Variants in XDH observed in about 807,000 individuals in gnomAD.
The protein encoded by XDH is xanthine dehydrogenase/oxidase.
XDH carries 138 observed loss-of-function variants against 156.1 expected under a neutral mutation model. The ratio of observed to expected loss-of-function variants is 0.88; its 90% CI spans 0.77 to 1.02. XDH has a LOEUF of 1.02. XDH is among the 50% of genes least tolerant of loss of function. The pLI is 0.00. For synonymous variants in XDH, 669 were observed against 625.7 expected (o/e 1.07, Z -1.03); for missense variants, 1,849 against 1,684.9 (o/e 1.10, Z -1.71).
At chr2:31,383,190 ACAGTT>A (rs754740292) in intron 10 of XDH, 38 bp from the exon 11 acceptor site, 50 of 1,613,828 alleles carry the variant, frequency 3.1e-5, no homozygotes, top group Non-Finnish European at 4.2e-5. Context: ...AATTCTTCCC[ACAGTT>A]CAGAAGAGGC....
At chr2:31,394,872 C>T (rs1215006076) in intron 6 of XDH, among the ~76,000 whole-genome samples, 1 of 152,164 alleles carries the variant, frequency 6.6e-6, no homozygotes, top group Non-Finnish European at 1.5e-5. Flanking sequence ...TTTTCAATCT[C>T]TAGCATTTCT....
At chr2:31,378,037 G>T (rs763298152) in intron 13 of XDH, among the ~76,000 whole-genome samples, 11 of 128,802 alleles carry the variant, frequency 8.5e-5, no homozygotes, top group Admixed American at 1.6e-4. Context: ...AAAAAAAAGA[G>T]AAGAAAGAGA....
intron 30 of XDH, 49 bp from the exon 31 acceptor site, chr2:31,344,785 A>T (rs745823821): frequency 6.4e-7 from 1 of 1,565,306 alleles, no homozygotes; most frequent in South Asian, 1.2e-5. Context: ...GTTTTCAGGA[A>T]CCCTGACCTG....
intron 11 of XDH, among the ~76,000 whole-genome samples, 171 bp downstream of exon 11, chr2:31,382,830 C>A (rs999402864): frequency 6.6e-6 from 1 of 152,152 alleles, no homozygotes; most frequent in Admixed American, 6.5e-5. Flanking sequence ...GTATCAGAAT[C>A]TCTGAGGGTG....
chr2:31,374,602 A>G (rs936413973), intron 15 of XDH, among the ~76,000 whole-genome samples: 2 of 152,114 alleles, frequency 1.3e-5, no homozygotes, highest in African/African-American at 2.4e-5. Context: ...TGAGAGTAAG[A>G]GTAATTTTAG....
chr2:31,350,998 C>T (rs185949571), intron 24 of XDH, among the ~76,000 whole-genome samples: 10 of 152,144 alleles, frequency 6.6e-5, no homozygotes, highest in South Asian at 2.1e-4. Context: ...TAAACTTATA[C>T]GTCTCTAGAT....
chr2:31,381,541 C>T, intron 12 of XDH, 92 bp downstream of exon 12: 2 of 1,332,634 alleles, frequency 1.5e-6, no homozygotes, highest in Non-Finnish European at 2.1e-6. Context: ...GGTCACTGAA[C>T]TTTGAGCTCT....
chr2:31,343,449 A>G (rs1195336475), intron 31 of XDH, among the ~76,000 whole-genome samples: 2 of 131,792 alleles, frequency 1.5e-5, no homozygotes, highest in Non-Finnish European at 3.2e-5. Context: ...ATATGTTTAT[A>G]CATATATGCC....
chr2:31,383,672 C>G, intron 10 of XDH, 83 bp downstream of exon 10: 1 of 1,358,936 alleles, frequency 7.4e-7, no homozygotes, highest in Non-Finnish European at 1.0e-6. Context: ...AGTGGGGAGA[C>G]CACCCTGATA....
At chr2:31,342,863 T>C (rs1013776645) in intron 31 of XDH, among the ~76,000 whole-genome samples, 1 of 152,168 alleles carries the variant, frequency 6.6e-6, no homozygotes, top group East Asian at 1.9e-4. Flanking sequence ...TAGAAACAAA[T>C]GCTCCCTTAT....
intron 5 of XDH, among the ~76,000 whole-genome samples, chr2:31,397,982 C>T (rs1686955038): frequency 6.6e-6 from 1 of 152,206 alleles, no homozygotes; most frequent in African/African-American, 2.4e-5. Context: ...TAAGTGCTCC[C>T]ACAGTGGCTG....
chr2:31,337,658 C>T lies in XDH; in HGVS notation c.3934G>A (p.Asp1312Asn), dbSNP rs770003555. 1 of 1,614,142 alleles carries T rather than the reference C, an allele frequency of 6.2e-7. No individual in the cohort carries two copies. Among genetic ancestry groups the T allele is most frequent in the East Asian group, 2.2e-5 (1 of 44,886 alleles). ...CATCATACCAGGGTGGTGAACTTGTCCACGCAGGCATTGCGGATCTTCTCC... is the reference window on the plus strand; with the variant it reads ...CATCATACCAGGGTGGTGAACTTGTTCACGCAGGCATTGCGGATCTTCTCC... ...TPEKIRNACV[D>N]KFTTLCVTGV... The change falls in exon 35 of 36, where the codon GAC becomes AAC. Residue 1312 changes from aspartate (D) to asparagine (N), a missense_variant. Transcript: ENST00000379416.
At position 31,335,364 on chromosome 2, in the gene XDH, T is replaced by A. The variant is rs1162285602; in HGVS notation, c.*594A>T. The A allele has an allele frequency of 4.3e-5, 7 of 161,642 alleles. No individual in the cohort carries two copies. Among genetic ancestry groups the A allele is most frequent in the African/African-American group, 1.7e-4 (7 of 41,552 alleles). The allele number at this position is 161,642 out of a possible 1,614,324, so 10.0% of individuals were successfully genotyped here. On this transcript the variant is annotated 3_prime_UTR_variant, in exon 36 of 36. Coordinates refer to ENST00000379416, the MANE Select transcript of XDH (RefSeq NM_000379.4). ...TTTTGTATTATAGAGTAATCTTGCTTTATGCAGCTTCACAAAATCAGATCC... is the reference window on the plus strand; with the variant it reads ...TTTTGTATTATAGAGTAATCTTGCTATATGCAGCTTCACAAAATCAGATCC...
At chr2:31,404,670 C>T (rs1182801034) in intron 2 of XDH, among the ~76,000 whole-genome samples, 1 of 152,136 alleles carries the variant, frequency 6.6e-6, no homozygotes, top group East Asian at 1.9e-4. Flanking sequence ...CTTCTCTTCC[C>T]AGACCTCCCA....
chr2:31,375,387 A>C lies in XDH; in HGVS notation c.1595T>G (p.Leu532Arg). 6.2e-7 allele frequency: 1 copy of C among 1,614,186 alleles called. No individual in the cohort carries two copies. ...TGGCCAGGCCCCACTCACGTCTTCCAGGTTCTCTTGGCCCAGCTTCTGAAG... is the reference window on the plus strand; with the variant it reads ...TGGCCAGGCCCCACTCACGTCTTCCCGGTTCTCTTGGCCCAGCTTCTGAAG... ...TVLQKLGQEN[L>R]EDKCGKLDPT... The change falls in exon 15 of 36, where the codon CTG (leucine) becomes CGG (arginine). Residue 532 changes from leucine to arginine, a missense_variant. Transcript: ENST00000379416.
At chr2:31,383,920 C>T in intron 9 of XDH, 73 bp from the exon 10 acceptor site, 5 of 1,248,342 alleles carry the variant, frequency 4.0e-6, no homozygotes, top group Non-Finnish European at 5.8e-6. Flanking sequence ...CAGCTTTTCT[C>T]ACCATTACAC....
chr2:31,403,014 C>G (rs373920137), intron 3 of XDH, 34 bp downstream of exon 3: 3 of 1,612,512 alleles, frequency 1.9e-6, no homozygotes, highest in Admixed American at 3.3e-5. Context: ...ATCGCAGCCC[C>G]CATGTGGGTG....
chr2:31,335,963 C>A lies in XDH; in HGVS notation c.3997G>T (p.Val1333Phe), dbSNP rs982609110. The A allele has an allele frequency of 1.5e-5, 25 of 1,614,102 alleles. No homozygotes were observed. The African/African-American group carries it at 2.3e-4, about 15-fold the overall frequency. The change falls in exon 36 of 36, where the codon GTC (valine) becomes TTC (phenylalanine). Residue 1333 changes from valine (V) to phenylalanine (F), a missense_variant. Val to Phe is a conservative substitution (Grantham distance 50, BLOSUM62 -1). Transcript: ENST00000379416. ...CTCTGCTGAGGACTCTCTCTTTAGA[C>A]CCTCACAGACCAGGGTTTGCAGTTT... is the stretch of plus-strand genomic sequence containing the variant. The part of the protein sequence containing the change: ...PENCKPWSVR[V>F]
chr2:31,344,857 C>T lies in XDH; in HGVS notation c.3352-121G>A, dbSNP rs1001414575. On this transcript the variant is annotated intron_variant, in intron 30 of 35. Transcript: ENST00000379416. ...CAATCAACTCATTTTACTAGTGACT[C>T]CCATTTCCATACCTTACCTTACATT... 7 of 1,007,496 alleles carry T rather than the reference C, an allele frequency of 6.9e-6. No individual in the cohort carries two copies. The African/African-American group carries it at 7.9e-5, about 11-fold the overall frequency. The allele number at this position is 1,007,496 out of a possible 1,614,324, so 62.4% of individuals were successfully genotyped here.
Sources: gnomAD v4.1 joint callset for allele counts (sites outside exome capture counted in the v4.1 genomes callset) on GRCh38, gnomAD v4.1.1 for gene constraint, MANE v1.5 for transcripts, NCBI Gene and HGNC (gene_info 2026-07-23, HGNC 2026-07-21) for gene names.